The following TMEM132D variants were observed in gnomAD, a reference collection of about 807,000 sequenced individuals.
TMEM132D encodes transmembrane protein 132D, also known as mature OL transmembrane protein.
A neutral mutation model predicts 62.3 loss-of-function variants in TMEM132D; 21 were observed. That is an observed-to-expected ratio of 0.34 (90% CI 0.24 to 0.49). The LOEUF is 0.49. Ranked by LOEUF, TMEM132D falls within the 20% of genes least tolerant of loss-of-function variation. The probability of loss-of-function intolerance (pLI) is 0.99; values close to 1 mark genes in which losing one functional copy is unlikely to be tolerated. For synonymous variants in TMEM132D, 621 were observed against 575.6 expected (o/e 1.08, Z -1.13); for missense variants, 1,346 against 1,402.8 (o/e 0.96, Z 0.65).
chr12:129,665,962 T>C (rs1032480559), intron 2 of TMEM132D, among the ~76,000 whole-genome samples: 1 of 152,236 alleles, frequency 6.6e-6, no homozygotes. Flanking sequence ...TTTTTTCTCT[T>C]CTTATGTGAA....
At chr12:129,239,285 T>C (rs146444906) in intron 4 of TMEM132D, among the ~76,000 whole-genome samples, 2,632 of 152,314 alleles carry the variant, frequency 0.017, 40 homozygotes, top group Middle Eastern at 0.037. Flanking sequence ...CCTTGCCAAA[T>C]CCAATGTCAC....
intron 5 of TMEM132D, among the ~76,000 whole-genome samples, chr12:129,092,516 G>A (rs981216289): frequency 1.1e-4 from 16 of 152,066 alleles, no homozygotes; most frequent in African/African-American, 3.6e-4. Flanking sequence ...CCAACATGGT[G>A]AAACCTGTCT....
At chr12:129,809,262 CAT>C (rs1872090997) in intron 1 of TMEM132D, among the ~76,000 whole-genome samples, 1 of 147,622 alleles carries the variant, frequency 6.8e-6, no homozygotes, top group South Asian at 2.1e-4. Context: ...GAGCTGAGAT[CAT>C]GCCACTGCAC....
At chr12:129,511,822 C>T (rs1875506273) in intron 3 of TMEM132D, among the ~76,000 whole-genome samples, 1 of 152,148 alleles carries the variant, frequency 6.6e-6, no homozygotes, top group Non-Finnish European at 1.5e-5. Flanking sequence ...TTTATCACCT[C>T]ATTTTATCCT....
chr12:129,565,872 C>T (rs995727793), intron 2 of TMEM132D, among the ~76,000 whole-genome samples: 11 of 152,322 alleles, frequency 7.2e-5, no homozygotes, highest in African/African-American at 2.2e-4. Flanking sequence ...GTGTTAGTCA[C>T]GGAAGCACAC....
chr12:129,471,390 C>T (rs187971935), intron 3 of TMEM132D, among the ~76,000 whole-genome samples: 8 of 152,138 alleles, frequency 5.3e-5, no homozygotes, highest in African/African-American at 1.9e-4. Flanking sequence ...TCTTCTGTGT[C>T]ACTGCAATTC....
chr12:129,892,416 T>C (rs1341957449), intron 1 of TMEM132D, among the ~76,000 whole-genome samples: 1 of 152,210 alleles, frequency 6.6e-6, no homozygotes, highest in Non-Finnish European at 1.5e-5. Context: ...TAAAGGATTT[T>C]ATGAGAGTCA....
chr12:129,743,608 C>A (rs576469582), intron 1 of TMEM132D, among the ~76,000 whole-genome samples: 3 of 147,866 alleles, frequency 2.0e-5, no homozygotes, highest in Non-Finnish European at 4.6e-5. Flanking sequence ...TGGACTAATG[C>A]ATCCCCCTAC....
At chr12:129,432,291 TTGGATGGATGGATGGA>T (rs1343742913) in intron 3 of TMEM132D, among the ~76,000 whole-genome samples, 2 of 20,944 alleles carry the variant, frequency 9.5e-5, no homozygotes, top group East Asian at 5.0e-3. Context: ...GGATGGATGC[TTGGATGGATGGATGGA>T]TGGATGGATG....
chr12:129,792,125 G>T (rs1216844093), intron 1 of TMEM132D, among the ~76,000 whole-genome samples: 1 of 152,342 alleles, frequency 6.6e-6, no homozygotes, highest in Middle Eastern at 3.4e-3. Context: ...ATACATGACT[G>T]ATTCCGGGAG....
In TMEM132D at chr12:129,086,986, T is replaced by G. The variant is rs139486084; in HGVS notation, c.1444-2284A>C. Among the ~76,000 whole-genome samples the G allele has an allele frequency of 1.4e-4, 21 of 152,250 alleles. No homozygotes were observed. The East Asian group carries it at 4.1e-3, about 29-fold the overall frequency. On this transcript the variant is annotated intron_variant, in intron 5 of 8. Coordinates refer to ENST00000422113, the MANE Select transcript of TMEM132D (RefSeq NM_133448.3). ...TATATTCCCATCAATAGTGTATAAG[T>G]GTGATAACATTGAAGACCCCCTGTC...
intron 1 of TMEM132D, among the ~76,000 whole-genome samples, chr12:129,719,514 G>A (rs1000397508): frequency 1.3e-5 from 2 of 152,356 alleles, no homozygotes; most frequent in African/African-American, 4.8e-5. Flanking sequence ...ATGAGTGACA[G>A]ATGCAGGGAA....
chr12:129,613,993 G>A (rs2137153813), intron 2 of TMEM132D, among the ~76,000 whole-genome samples: 1 of 149,068 alleles, frequency 6.7e-6, no homozygotes, highest in South Asian at 2.1e-4. Flanking sequence ...GGGACTGGCT[G>A]TAGAACCCAG....
At chr12:129,519,168 G>GCA (rs1875773181) in intron 3 of TMEM132D, among the ~76,000 whole-genome samples, 1 of 152,112 alleles carries the variant, frequency 6.6e-6, no homozygotes, top group African/African-American at 2.4e-5. Flanking sequence ...AGAATTCAGG[G>GCA]CTCTATGAAC....
chr12:129,343,751 A>G (rs1223053646), intron 3 of TMEM132D, among the ~76,000 whole-genome samples: 1 of 136,580 alleles, frequency 7.3e-6, no homozygotes, highest in African/African-American at 2.9e-5. Context: ...ATCTCTTAAA[A>G]CAAAAAAAAC....
At chr12:129,584,688 C>A (rs1877973424) in intron 2 of TMEM132D, among the ~76,000 whole-genome samples, 1 of 152,230 alleles carries the variant, frequency 6.6e-6, no homozygotes, top group African/African-American at 2.4e-5. Flanking sequence ...CTAGGCTCCA[C>A]AGGGCTTGGC....
intron 1 of TMEM132D, among the ~76,000 whole-genome samples, chr12:129,855,641 A>C: frequency 4.6e-5 from 1 of 21,808 alleles, no homozygotes; most frequent in African/African-American, 2.6e-4. Context: ...GGGGAACGGG[A>C]TGGGTGCCCT....
At chr12:129,239,426 T>C (rs1719155678) in intron 4 of TMEM132D, among the ~76,000 whole-genome samples, 2 of 152,192 alleles carry the variant, frequency 1.3e-5, no homozygotes, top group Non-Finnish European at 2.9e-5. Context: ...CTTTTGTGTG[T>C]AGACATACAG....
intron 2 of TMEM132D, among the ~76,000 whole-genome samples, chr12:129,689,366 T>C (rs1379607217): frequency 6.6e-6 from 1 of 152,196 alleles, no homozygotes; most frequent in Non-Finnish European, 1.5e-5. Flanking sequence ...AATCTAGACA[T>C]GGTTTAACTC....
Sources: gnomAD v4.1 joint callset for allele counts (sites outside exome capture counted in the v4.1 genomes callset) on GRCh38, gnomAD v4.1.1 for gene constraint, MANE v1.5 for transcripts, NCBI Gene and HGNC (gene_info 2026-07-23, HGNC 2026-07-21) for gene names.